The following ZSCAN25 variants were observed in gnomAD, a reference collection of about 807,000 sequenced individuals.
ZSCAN25 encodes the protein zinc finger and SCAN domain containing 25.
ZSCAN25 carries 27 observed loss-of-function variants against 38.7 expected under a neutral mutation model. The observed-to-expected ratio is 0.70, with a 90% CI of 0.51 to 0.96. ZSCAN25 has a LOEUF of 0.96. ZSCAN25 is among the 40% of genes least tolerant of loss of function. The pLI is 0.00. For missense variants in ZSCAN25, 637 were observed against 705.9 expected (o/e 0.90, Z 1.11); for synonymous variants, 273 against 277.7 (o/e 0.98, Z 0.17).
At chr7:99,721,376 G>A in the ZSCAN25 span, among the ~76,000 whole-genome samples, 3 of 152,250 alleles carry the variant, frequency 2.0e-5, no homozygotes, top group East Asian at 5.8e-4. Context: ...TCTTTCAAAA[G>A]CATGTTAAAT....
At chr7:99,660,215 T>G in the ZSCAN25 span, 1 of 434,014 alleles carries the variant, frequency 2.3e-6, no homozygotes. Context: ...GCCACACTCC[T>G]TTTTTTTTTT....
At chr7:99,734,197 C>T in the ZSCAN25 span, among the ~76,000 whole-genome samples, 6 of 152,278 alleles carry the variant, frequency 3.9e-5, no homozygotes, top group South Asian at 1.0e-3. Context: ...AGAATTAAAA[C>T]GAGGTTTGTA....
At chr7:99,672,677 G>C in the ZSCAN25 span, 1 of 1,614,018 alleles carries the variant, frequency 6.2e-7, no homozygotes, top group Non-Finnish European at 8.5e-7. Context: ...ACCTTCATAC[G>C]TTCTGTGTGG....
Position 99,629,808 on chromosome 7 carries a change from G to A in ZSCAN25, c.1423G>A (p.Val475Met). ...CTTCAGCAGGAATGCCAATCTGGCG[G>A]TGCACCGGCGTGCCCACACTGGCGA... Reference protein sequence around the residue: ...KSFSRNANLAVHRRAHTGEKP... With the variant: ...KSFSRNANLAMHRRAHTGEKP... The change falls in exon 8 of 8, where the codon GTG becomes ATG. Residue 475 changes from valine to methionine, a missense_variant. Physicochemically the swap from Val to Met is conservative, Grantham distance 21 (BLOSUM62 1). Transcript: ENST00000394152. This position sits in a 1 kb window ranked among gnomAD's most constrained non-coding sequence, Gnocchi z 5.6. The A allele has an allele frequency of 6.2e-7, 1 of 1,614,224 alleles. No individual in the cohort carries two copies. Among genetic ancestry groups the A allele is most frequent in the Non-Finnish European group, 8.5e-7 (1 of 1,180,042 alleles).
chr7:99,654,391 T>A, the ZSCAN25 span, among the ~76,000 whole-genome samples: 2 of 152,190 alleles, frequency 1.3e-5, no homozygotes, highest in Non-Finnish European at 2.9e-5. Flanking sequence ...TTCATCCATG[T>A]CTCTACAAAG....
At chr7:99,648,431 T>C in the ZSCAN25 span, 1 of 1,522,378 alleles carries the variant, frequency 6.6e-7, no homozygotes, top group Non-Finnish European at 8.9e-7. Context: ...TATGGAGAAT[T>C]AATAAATGAA....
At chr7:99,637,087 A>AGG (rs1249108920), downstream of ZSCAN25, among the ~76,000 whole-genome samples, 3 of 152,226 alleles carry the variant, frequency 2.0e-5, no homozygotes, top group African/African-American at 7.2e-5. Flanking sequence ...TAATTGATGG[A>AGG]GGTGTGGATC....
chr7:99,650,295 G>C, the ZSCAN25 span: 9 of 1,530,046 alleles, frequency 5.9e-6, no homozygotes, highest in Non-Finnish European at 6.3e-6. Flanking sequence ...TTACATGTTA[G>C]GGGTTCTTAC....
At chr7:99,713,770 C>G in the ZSCAN25 span, among the ~76,000 whole-genome samples, 1 of 152,158 alleles carries the variant, frequency 6.6e-6, no homozygotes, top group African/African-American at 2.4e-5. Flanking sequence ...GGTCTTTTCC[C>G]TGGTCCTAAC....
the ZSCAN25 span, among the ~76,000 whole-genome samples, chr7:99,726,357 C>T: frequency 1.4e-4 from 22 of 152,184 alleles, no homozygotes; most frequent in Non-Finnish European, 3.2e-4. Flanking sequence ...ATAATTCCCC[C>T]ATCTTACCTG....
the ZSCAN25 span, chr7:99,676,681 A>C: frequency 4.9e-6 from 3 of 612,814 alleles, no homozygotes. Context: ...CTATGGTGAC[A>C]CTGCCCTTAC....
chr7:99,694,964 CAT>C, the ZSCAN25 span, among the ~76,000 whole-genome samples: 1 of 148,320 alleles, frequency 6.7e-6, no homozygotes, highest in Non-Finnish European at 1.5e-5. Flanking sequence ...AGTGATTTTG[CAT>C]ATGATTCTGC....
chr7:99,710,986 C>T, the ZSCAN25 span: 1 of 1,593,768 alleles, frequency 6.3e-7, no homozygotes, highest in African/African-American at 1.3e-5. Context: ...CTTCAAATCC[C>T]CAGGGGAAAA....
chr7:99,713,157 A>G, the ZSCAN25 span, among the ~76,000 whole-genome samples: 1 of 152,240 alleles, frequency 6.6e-6, no homozygotes, highest in Admixed American at 6.5e-5. Flanking sequence ...ATTTCCAGGA[A>G]GAAACTTTAA....
the ZSCAN25 span, among the ~76,000 whole-genome samples, chr7:99,651,725 G>C: frequency 6.6e-6 from 1 of 152,218 alleles, no homozygotes; most frequent in Non-Finnish European, 1.5e-5. Flanking sequence ...TAATAATACA[G>C]TAATGGGAAA....
the ZSCAN25 span, chr7:99,648,096 T>C: frequency 2.5e-5 from 29 of 1,167,332 alleles, no homozygotes; most frequent in Non-Finnish European, 3.1e-5. Context: ...TATCTGTCAC[T>C]TACCTGGTCA....
chr7:99,676,707 G>A, the ZSCAN25 span: 15 of 523,568 alleles, frequency 2.9e-5, no homozygotes, highest in Admixed American at 1.4e-4. Context: ...GCTCAGAAAT[G>A]TTTATGCTTT....
At chr7:99,648,085 C>T in the ZSCAN25 span, 114 of 1,146,916 alleles carry the variant, frequency 9.9e-5, no homozygotes, top group Admixed American at 4.6e-5. Context: ...CTGAGTCTAC[C>T]TATCTGTCAC....
chr7:99,735,174 G>T, the ZSCAN25 span: 201 of 1,565,896 alleles, frequency 1.3e-4, no homozygotes, highest in Non-Finnish European at 1.7e-4. Flanking sequence ...TGTGTGTGGA[G>T]CTTTCCTGCC....
Sources: allele counts gnomAD v4.1 joint callset (sites outside exome capture counted in the v4.1 genomes callset), GRCh38; gene constraint gnomAD v4.1.1; non-coding constraint Gnocchi (gnomAD v3.1); transcripts MANE v1.5; gene names NCBI Gene and HGNC (gene_info 2026-07-23, HGNC 2026-07-21).